EDN2: variants seen among roughly 807,000 people sequenced by gnomAD.
The protein encoded by EDN2 is endothelin 2, also known as endothelin-2.
EDN2 carries 10 observed loss-of-function variants against 19.9 expected under a neutral mutation model. The observed-to-expected ratio is 0.50, with a 90% CI of 0.31 to 0.85. EDN2 has a LOEUF of 0.85. Ranked by LOEUF, EDN2 falls within the 40% of genes least tolerant of loss-of-function variation. The pLI, the probability that EDN2 is intolerant of heterozygous loss-of-function variation, is 0.05. For missense variants in EDN2, 222 were observed against 239.3 expected (o/e 0.93, Z 0.48); for synonymous variants, 84 against 94.9 (o/e 0.89, Z 0.67).
intron 4 of EDN2, 100 bp from the exon 5 acceptor site, chr1:41,479,602 A>ATCCTGGGGTCACAGCGG (rs1323120795): frequency 8.5e-6 from 9 of 1,054,262 alleles, no homozygotes; most frequent in Non-Finnish European, 1.3e-5. Context: ...CCTTGCCCAG[A>ATCCTGGGGTCACAGCGG]TCCTGGGGTC....
In EDN2 at chr1:41,484,168, C is replaced by T; in HGVS notation, c.100G>A (p.Ala34Thr). The T allele has an allele frequency of 1.2e-6, 2 of 1,612,920 alleles. No homozygotes were observed. Among genetic ancestry groups the T allele is most frequent in the Non-Finnish European group, 1.7e-6 (2 of 1,180,004 alleles). Residue 34 changes from alanine to threonine, a missense_variant, in exon 2 of 5, where the codon GCG (alanine) becomes ACG (threonine). By Grantham distance (58) the Ala-to-Thr change is moderately conservative. Transcript: ENST00000372587. ...GQAAATLEQP[A>T]SSSHAQGTHL... is the part of the protein sequence containing the mutation. ...GTGCCTTGGGCATGAGATGAGGACG[C>T]TGGCTGCTCCAGGGTGGCAGCAGCC...
chr1:41,482,448 G>A lies in EDN2; in HGVS notation c.344+18C>T, dbSNP rs1444621087. ...CTTGCAGCTACCCTATGCCCCTGCA[G>A]GCTGGGTGCCCACCTACCAGGGCCT... On this transcript the variant is annotated intron_variant, in intron 3 of 4. Transcript: ENST00000372587. 2.5e-6 allele frequency: 4 copies of A among 1,595,288 alleles called. No individual in the cohort carries two copies. Among genetic ancestry groups the A allele is most frequent in the African/African-American group, 2.7e-5 (2 of 73,632 alleles).
chr1:41,480,149 C>A (rs1203552497), intron 4 of EDN2, among the ~76,000 whole-genome samples: 1 of 152,238 alleles, frequency 6.6e-6, no homozygotes, highest in Non-Finnish European at 1.5e-5. Flanking sequence ...GCCAGCTCTG[C>A]ACACTATGAA....
intron 2 of EDN2, 47 bp from the exon 3 acceptor site, chr1:41,482,635 GA>G: frequency 7.0e-7 from 1 of 1,432,476 alleles, no homozygotes; most frequent in South Asian, 1.5e-5. Context: ...TGGAGAGAAA[GA>G]GAGAGAGAGA....
chr1:41,482,351 T>C, intron 3 of EDN2, 115 bp downstream of exon 3: 7 of 1,304,588 alleles, frequency 5.4e-6, no homozygotes, highest in Non-Finnish European at 6.9e-6. Context: ...CCTGGGTCGC[T>C]TCTCACCCCC....
rs1049913490 is a variant in EDN2, at chr1:41,484,282, G to A, written c.65-79C>T. 11 of 1,523,138 alleles carry A rather than the reference G, an allele frequency of 7.2e-6. No homozygotes were observed. The African/African-American group carries it at 1.5e-4, about 21-fold the overall frequency. 94.4% of individuals were successfully genotyped at this position (1,523,138 alleles called of 1,614,324 possible). On this transcript the variant is annotated intron_variant, in intron 1 of 4. Transcript: ENST00000372587. ...CATCCCAGAGTGGGGGACCCACCAT[G>A]CCCCTCCTCTTGCATAATCGAGGGA... is the stretch of plus-strand genomic sequence containing the variant.
rs1196621185 is a variant in EDN2 at position 41,479,286 on chromosome 1, G to A, written c.*123C>T. 1 of 860,198 alleles carries A rather than the reference G, an allele frequency of 1.2e-6. No homozygotes were observed. Among genetic ancestry groups the A allele is most frequent in the Non-Finnish European group, 1.9e-6 (1 of 523,162 alleles). The allele number at this position is 860,198 out of a possible 1,614,324, so 53.3% of individuals were successfully genotyped here. Reference sequence around the variant, plus strand: ...AGCTTGTGCCAATCCTGGCAAATGGGTCCAGCTGTCTGGGACCAAGGCCCC... The same window carrying A: ...AGCTTGTGCCAATCCTGGCAAATGGATCCAGCTGTCTGGGACCAAGGCCCC... On this transcript the variant is annotated 3_prime_UTR_variant, in exon 5 of 5. Coordinates refer to ENST00000372587, the MANE Select transcript of EDN2 (RefSeq NM_001956.5).
rs752160094 is a variant in EDN2, at chr1:41,484,219, GGA to G, written c.65-18_65-17del. Reference sequence around the variant, plus strand: ...TGGCCCTTCCCTGCATGCACAGGAGGGAGAGAGAGGTGGAGAGGTGGGTTGGG... The same window carrying G: ...TGGCCCTTCCCTGCATGCACAGGAGGGAGAGAGGTGGAGAGGTGGGTTGGG... On this transcript the variant is annotated splice_polypyrimidine_tract_variant and intron_variant, in intron 1 of 4. Coordinates refer to ENST00000372587, the MANE Select transcript of EDN2 (RefSeq NM_001956.5). The G allele has an allele frequency of 1.2e-6, 2 of 1,608,976 alleles. No homozygotes were observed. The highest frequency in any genetic ancestry group is 1.7e-5 in the Admixed American group (1 of 59,900).
At chr1:41,482,641 G>T in intron 2 of EDN2, 53 bp from the exon 3 acceptor site, 1 of 1,504,832 alleles carries the variant, frequency 6.6e-7, no homozygotes. Flanking sequence ...GAAAGAGAGA[G>T]AGAGAAAAAA....
intron 2 of EDN2, 123 bp from the exon 3 acceptor site, chr1:41,482,711 G>T: frequency 1.5e-6 from 2 of 1,314,356 alleles, no homozygotes; most frequent in Non-Finnish European, 2.0e-6. Flanking sequence ...TGTCCACACT[G>T]CCCACTGGGA....
At chr1:41,479,927 C>A (rs1193932535) in intron 4 of EDN2, among the ~76,000 whole-genome samples, 7 of 152,202 alleles carry the variant, frequency 4.6e-5, no homozygotes, top group African/African-American at 1.7e-4. Context: ...TCAAGGTAGT[C>A]CAGCCCAGAA....
At chr1:41,482,159 CGT>C (rs1644253082) in intron 3 of EDN2, among the ~76,000 whole-genome samples, 1 of 152,236 alleles carries the variant, frequency 6.6e-6, no homozygotes, top group Non-Finnish European at 1.5e-5. Flanking sequence ...TGCAGCCTGA[CGT>C]GTCCTGCCCC....
At chr1:41,483,955 G>C in intron 2 of EDN2, 92 bp downstream of exon 2, 1 of 1,351,574 alleles carries the variant, frequency 7.4e-7, no homozygotes, top group Non-Finnish European at 1.0e-6. Flanking sequence ...GGGAGAGATG[G>C]AATGTGTCAA....
At chr1:41,481,295 T>C (rs1644245648) in intron 3 of EDN2, 102 bp from the exon 4 acceptor site, 2 of 871,414 alleles carry the variant, frequency 2.3e-6, no homozygotes, top group Non-Finnish European at 3.6e-6. Context: ...CATCCCCACC[T>C]GCCTGCGGGA....
chr1:41,482,689 G>T, intron 2 of EDN2, 101 bp from the exon 3 acceptor site: 1 of 1,403,754 alleles, frequency 7.1e-7, no homozygotes. Context: ...ACAACCATTG[G>T]CAAGCAGGGA....
Position 41,484,219 on chromosome 1 carries a change from GGAGA to G in EDN2, c.65-20_65-17del, listed in dbSNP as rs752160094. On this transcript the variant is annotated splice_polypyrimidine_tract_variant and intron_variant, in intron 1 of 4. Transcript: ENST00000372587. ...TGGCCCTTCCCTGCATGCACAGGAG[GGAGA>G]GAGAGGTGGAGAGGTGGGTTGGGGT... 3.7e-6 allele frequency: 6 copies of G among 1,608,976 alleles called. No individual in the cohort carries two copies. The highest frequency in any genetic ancestry group is 3.4e-6 in the Non-Finnish European group (4 of 1,178,026).
At chr1:41,480,956 G>A (rs1345511170) in intron 4 of EDN2, 139 bp downstream of exon 4, 2 of 709,628 alleles carry the variant, frequency 2.8e-6, no homozygotes, top group African/African-American at 3.5e-5. Flanking sequence ...TGTGACTTTG[G>A]GCAAGTGGCT....
In EDN2 at chr1:41,481,219, G is replaced by C. The variant is rs748658496; in HGVS notation, c.345-26C>G. 1.6e-5 allele frequency: 26 copies of C among 1,601,182 alleles called. No individual in the cohort carries two copies. In the South Asian group the frequency reaches 2.8e-4, roughly 17 times the overall value. Reference sequence around the variant, plus strand: ...CTACGTGAATAGCATTAGGGCCCAAGTGATGGACTGCCCAGGGCCCTGAAG... The same window carrying C: ...CTACGTGAATAGCATTAGGGCCCAACTGATGGACTGCCCAGGGCCCTGAAG... On this transcript the variant is annotated intron_variant, in intron 3 of 4. Transcript: ENST00000372587.
At chr1:41,480,382 C>T (rs1300138266) in intron 4 of EDN2, among the ~76,000 whole-genome samples, 4 of 152,070 alleles carry the variant, frequency 2.6e-5, no homozygotes, top group African/African-American at 9.7e-5. Flanking sequence ...CCACAGCTCC[C>T]ACGGGCACAG....
Sources: allele counts gnomAD v4.1 joint callset (sites outside exome capture counted in the v4.1 genomes callset), GRCh38; gene constraint gnomAD v4.1.1; transcripts MANE v1.5; gene names NCBI Gene and HGNC (gene_info 2026-07-23, HGNC 2026-07-21).